Variants in IPO11 observed in about 807,000 individuals in gnomAD.
IPO11 encodes importin 11.
A neutral mutation model predicts 143.2 loss-of-function variants in IPO11; 66 were observed. The ratio of observed to expected loss-of-function variants is 0.46; its 90% CI spans 0.38 to 0.57. The LOEUF is 0.57. Among genes scored for constraint, IPO11 ranks in the 20% least tolerant of loss-of-function variants. The probability of loss-of-function intolerance (pLI) is 0.00; values close to 1 mark genes in which losing one functional copy is unlikely to be tolerated. For missense variants in IPO11, 1,026 were observed against 1,141.0 expected, an observed-to-expected ratio of 0.90 and a Z score of 1.45; for synonymous variants, 385 against 377.8, an observed-to-expected ratio of 1.02 and a Z score of -0.22.
chr5:62,599,623 C>T (rs1156726304), intron 28 of IPO11, among the ~76,000 whole-genome samples: 2 of 152,188 alleles, frequency 1.3e-5, no homozygotes, highest in Non-Finnish European at 1.5e-5. Context: ...GTTGAAGTTT[C>T]TTCTTGAGAA....
intron 1 of IPO11, among the ~76,000 whole-genome samples, chr5:62,415,228 A>T (rs552325789): frequency 6.6e-6 from 1 of 152,028 alleles, no homozygotes; most frequent in South Asian, 2.1e-4. Context: ...CAGTGGCGTG[A>T]TCTCTGCTCA....
intron 23 of IPO11, 75 bp downstream of exon 23, chr5:62,536,856 C>T (rs1021358370): frequency 2.0e-4 from 257 of 1,316,808 alleles, no homozygotes; most frequent in Non-Finnish European, 2.3e-4. Context: ...TCAGGGGGTA[C>T]GTTTTCAAAA....
chr5:62,624,980 C>CAAAAAAA (rs141431600), intron 29 of IPO11, among the ~76,000 whole-genome samples: 2 of 89,702 alleles, frequency 2.2e-5, no homozygotes, highest in African/African-American at 4.4e-5. Flanking sequence ...GCGAGAGACT[C>CAAAAAAA]AAAAAAAAAA....
chr5:62,525,486 C>T lies in IPO11; in HGVS notation c.1897-656C>T, dbSNP rs535148992. On this transcript the variant is annotated intron_variant, in intron 20 of 29. Coordinates refer to ENST00000325324, the MANE Select transcript of IPO11 (RefSeq NM_016338.5). ...GCAGCCTTGAATTCTAGGGCTCCAG[C>T]GATCCTCCTGCCTCAGTCTCCTGAG... Among the ~76,000 whole-genome samples the T allele has an allele frequency of 2.6e-5, 4 of 152,012 alleles. 1 individual carries two copies. In the South Asian group the frequency reaches 6.2e-4, roughly 24 times the overall value.
rs915179655 is a variant in IPO11, at chr5:62,601,980, G to T, written c.2763+132G>T. On this transcript the variant is annotated intron_variant, in intron 29 of 29. Coordinates refer to ENST00000325324, the MANE Select transcript of IPO11 (RefSeq NM_016338.5). ...ATCTATCCCATGTTACAGAATTAATGTAAGGTGTACCCTAAAACAGATACA... is the reference window on the plus strand; with the variant it reads ...ATCTATCCCATGTTACAGAATTAATTTAAGGTGTACCCTAAAACAGATACA... The T allele has an allele frequency of 1.7e-5, 9 of 529,150 alleles. No individual in the cohort carries two copies. The South Asian group carries it at 2.3e-4, about 13-fold the overall frequency. 32.8% of individuals were successfully genotyped at this position (529,150 alleles called of 1,614,324 possible). A position where few individuals can be genotyped will look rare whatever the true frequency, so the allele number is the denominator to read the frequency against.
Position 62,438,960 on chromosome 5 carries a change from G to A in IPO11, c.138+1543G>A, listed in dbSNP as rs138784615. On this transcript the variant is annotated intron_variant, in intron 2 of 29. Coordinates refer to ENST00000325324, the MANE Select transcript of IPO11 (RefSeq NM_016338.5). The stretch of plus-strand genomic sequence containing the variant: ...TGTAGTCCCAGCTACTTGGGAGGCT[G>A]AAGCAGGAGAATGGTGTGAACCCAG... 2.4e-3 allele frequency among the ~76,000 whole-genome samples: 366 copies of A among 151,416 alleles called. 1 individual carries two copies. The highest frequency in any genetic ancestry group is 8.3e-3 in the African/African-American group (341 of 41,228).
intron 1 of IPO11, among the ~76,000 whole-genome samples, chr5:62,430,739 G>A (rs1029438627): frequency 3.4e-5 from 5 of 149,150 alleles, no homozygotes; most frequent in South Asian, 2.1e-4. Context: ...GTGCAGTGGC[G>A]CAATCTTGGC....
chr5:62,594,292 A>C (rs1745134898), intron 28 of IPO11, among the ~76,000 whole-genome samples: 1 of 152,236 alleles, frequency 6.6e-6, no homozygotes, highest in Non-Finnish European at 1.5e-5. Flanking sequence ...ATGAGAGCCC[A>C]TGATGTAAGT....
chr5:62,468,586 A>G (rs1745647070), intron 6 of IPO11, among the ~76,000 whole-genome samples: 1 of 152,242 alleles, frequency 6.6e-6, no homozygotes, highest in Non-Finnish European at 1.5e-5. Context: ...ACAGAAACTG[A>G]TATAAGGCTG....
At chr5:62,449,779 A>G in intron 3 of IPO11, 148 bp from the exon 4 acceptor site, 1 of 500,096 alleles carries the variant, frequency 2.0e-6, no homozygotes, top group East Asian at 3.3e-5. Context: ...GCCAATATAC[A>G]AGTAATGGAA....
At chr5:62,448,542 A>G (rs1744798185) in intron 3 of IPO11, among the ~76,000 whole-genome samples, 1 of 152,092 alleles carries the variant, frequency 6.6e-6, no homozygotes, top group Admixed American at 6.5e-5. Context: ...ACTTTTTTTA[A>G]GAAAACTTTG....
Position 62,604,304 on chromosome 5 carries a change from G to A in IPO11, c.2763+2456G>A, listed in dbSNP as rs191477255. Among the ~76,000 whole-genome samples, 491 of 152,238 alleles carry A rather than the reference G, an allele frequency of 3.2e-3. 2 individuals carry two copies. Among genetic ancestry groups the A allele is most frequent in the Non-Finnish European group, 5.2e-3 (354 of 68,024 alleles). ...GCTCTCTGCAACCTCCGCCTCCCAG[G>A]TTCAAGCAGTAACCATACCTCAGCC... On this transcript the variant is annotated intron_variant, in intron 29 of 29. Transcript: ENST00000325324.
chr5:62,509,429 T>G (rs980674620), intron 19 of IPO11, among the ~76,000 whole-genome samples: 2 of 152,186 alleles, frequency 1.3e-5, no homozygotes, highest in African/African-American at 2.4e-5. Context: ...AGTGGAGCTT[T>G]CCCTATATAT....
intron 9 of IPO11, among the ~76,000 whole-genome samples, chr5:62,477,100 A>C (rs963466283): frequency 6.6e-5 from 10 of 152,250 alleles, no homozygotes; most frequent in Non-Finnish European, 1.3e-4. Context: ...GATCAAATGT[A>C]GCAGACAGGA....
At position 62,443,280 on chromosome 5, in the gene IPO11, TA is replaced by T. The variant is rs530816177; in HGVS notation, c.239+205del. 1,115 of 442,968 alleles carry T rather than the reference TA, an allele frequency of 2.5e-3. 5 individuals are homozygous for T. Among genetic ancestry groups the T allele is most frequent in the Non-Finnish European group, 2.6e-3 (647 of 252,284 alleles). The allele number at this position is 442,968 out of a possible 1,614,324, so 27.4% of individuals were successfully genotyped here. On this transcript the variant is annotated intron_variant, in intron 3 of 29. Coordinates refer to ENST00000325324, the MANE Select transcript of IPO11 (RefSeq NM_016338.5). Reference sequence around the variant, plus strand: ...GGAGATTTGTGAAGTGTTTGATATTTAAAAAAAATGCAAAAAAAGTGTTTAC... The same window carrying T: ...GGAGATTTGTGAAGTGTTTGATATTTAAAAAAATGCAAAAAAAGTGTTTAC...
intron 27 of IPO11, among the ~76,000 whole-genome samples, chr5:62,588,869 T>G (rs867841170): frequency 6.6e-6 from 1 of 152,226 alleles, no homozygotes; most frequent in South Asian, 2.1e-4. Flanking sequence ...TTTTTGTCTT[T>G]GGTCAAGGCC....
intron 27 of IPO11, chr5:62,578,793 A>T (rs1253084445): frequency 4.3e-5 from 6 of 140,270 alleles, no homozygotes; most frequent in East Asian, 2.0e-4. Context: ...ACGGTGACTT[A>T]AAAAAAAAAA....
chr5:62,562,084 T>A (rs139469966), intron 27 of IPO11: 1 of 152,286 alleles, frequency 6.6e-6, no homozygotes, highest in Admixed American at 6.5e-5. Flanking sequence ...AAATTTCTTT[T>A]AGTGCATGGT....
Position 62,627,219 on chromosome 5 carries a change from A to G in IPO11, c.2829A>G (p.Ala943=), listed in dbSNP as rs146592966. The change falls in exon 30 of 30, where the codon GCA becomes GCG. Residue 943 remains alanine (A), a synonymous_variant. Coordinates refer to ENST00000325324, the MANE Select transcript of IPO11 (RefSeq NM_016338.5). ...LQQFIYEKLK[A]QQEMLGEQGF... is the part of the protein sequence containing the mutation. ...AGTTCATCTACGAGAAGCTCAAGGC[A>G]CAGCAGGAGATGCTAGGAGAACAAG... is the stretch of plus-strand genomic sequence containing the variant. The G allele has an allele frequency of 8.1e-6, 13 of 1,614,068 alleles. No individual in the cohort carries two copies. In the African/African-American group the frequency reaches 1.3e-4, roughly 17 times the overall value.
Sources: gnomAD v4.1 joint callset for allele counts (sites outside exome capture counted in the v4.1 genomes callset) on GRCh38, gnomAD v4.1.1 for gene constraint, MANE v1.5 for transcripts, NCBI Gene and HGNC (gene_info 2026-07-23, HGNC 2026-07-21) for gene names.